The following IGSF11 variants were observed in gnomAD, a reference collection of about 807,000 sequenced individuals.
The protein encoded by IGSF11 is CXADR like 1.
Under a neutral mutation model 41.0 loss-of-function variants are expected in IGSF11, and 22 were observed. The observed-to-expected ratio is 0.54, with a 90% CI of 0.38 to 0.77. The LOEUF is 0.77. Ranked by LOEUF, IGSF11 falls within the 30% of genes least tolerant of loss-of-function variation. The pLI is 0.00. For missense variants in IGSF11, 444 were observed against 530.8 expected (o/e 0.84, Z 1.61); for synonymous variants, 219 against 201.3 (o/e 1.09, Z -0.74).
chr3:118,953,468 G>A (rs1416209118), intron 1 of IGSF11, among the ~76,000 whole-genome samples: 1 of 152,144 alleles, frequency 6.6e-6, no homozygotes, highest in Non-Finnish European at 1.5e-5. Flanking sequence ...GTTATTTAAG[G>A]AATCTCCACA....
At chr3:119,107,308 T>A (rs955701600), upstream of IGSF11, among the ~76,000 whole-genome samples, 3 of 152,232 alleles carry the variant, frequency 2.0e-5, no homozygotes, top group Non-Finnish European at 4.4e-5. Context: ...TATCTCATTG[T>A]GGTTTTGATT....
intron 1 of IGSF11, among the ~76,000 whole-genome samples, chr3:119,139,559 C>T (rs76045850): frequency 0.17 from 25,594 of 152,196 alleles, 2,635 homozygotes; most frequent in Non-Finnish European, 0.24. Flanking sequence ...TTGCCTGCTG[C>T]CATCCATGTA....
chr3:119,109,603 G>C (rs142679796), upstream of IGSF11, among the ~76,000 whole-genome samples: 35,535 of 152,036 alleles, frequency 0.23, 5,078 homozygotes, highest in Middle Eastern at 0.38. Flanking sequence ...GTTCTGCTCT[G>C]ATCTTAGTTA....
intron 1 of IGSF11, among the ~76,000 whole-genome samples, chr3:118,999,169 A>C (rs1936564145): frequency 6.6e-6 from 1 of 152,110 alleles, no homozygotes; most frequent in African/African-American, 2.4e-5. Context: ...GAATGGGGCC[A>C]GGATATGAGA....
chr3:119,134,789 G>A (rs933836294), intron 1 of IGSF11, among the ~76,000 whole-genome samples: 7 of 152,020 alleles, frequency 4.6e-5, no homozygotes, highest in African/African-American at 7.2e-5. Flanking sequence ...GAGGCATCAC[G>A]CTACCTGACT....
At chr3:119,133,686 T>C (rs1012104574) in intron 1 of IGSF11, among the ~76,000 whole-genome samples, 9 of 152,016 alleles carry the variant, frequency 5.9e-5, no homozygotes, top group African/African-American at 2.2e-4. Context: ...TTCCAATCAA[T>C]AGAAAAAGAG....
chr3:119,032,446 A>G (rs1940494178), intron 1 of IGSF11, among the ~76,000 whole-genome samples: 2 of 152,192 alleles, frequency 1.3e-5, no homozygotes, highest in African/African-American at 4.8e-5. Flanking sequence ...CAGTAAGGAA[A>G]CTGAACATCA....
At chr3:119,052,278 G>A (rs192083408) in intron 1 of IGSF11, among the ~76,000 whole-genome samples, 2 of 152,110 alleles carry the variant, frequency 1.3e-5, no homozygotes, top group East Asian at 1.9e-4. Flanking sequence ...CCAGGAGTTC[G>A]AGACAAGTCT....
chr3:119,065,605 C>T (rs1480867364), intron 1 of IGSF11, among the ~76,000 whole-genome samples: 1 of 151,756 alleles, frequency 6.6e-6, no homozygotes, highest in East Asian at 1.9e-4. Context: ...CCAGCCTGAG[C>T]AATATGGTGA....
intron 1 of IGSF11, among the ~76,000 whole-genome samples, chr3:118,966,925 C>T (rs964918121): frequency 5.9e-5 from 9 of 152,082 alleles, no homozygotes; most frequent in Admixed American, 4.6e-4. Flanking sequence ...GGTGGTAACA[C>T]AGCACCACAT....
chr3:118,973,679 G>A (rs865975596), intron 1 of IGSF11, among the ~76,000 whole-genome samples: 4 of 152,196 alleles, frequency 2.6e-5, no homozygotes, highest in South Asian at 2.1e-4. Context: ...ATAAGTGGTA[G>A]AACACAATTA....
intron 1 of IGSF11, among the ~76,000 whole-genome samples, chr3:119,090,624 A>C (rs903533563): frequency 6.6e-5 from 10 of 152,232 alleles, no homozygotes; most frequent in Non-Finnish European, 1.5e-4. Context: ...GACAAAAACA[A>C]GCAATGGGAA....
intron 1 of IGSF11, among the ~76,000 whole-genome samples, chr3:119,089,426 C>T (rs2076728130): frequency 6.6e-6 from 1 of 152,036 alleles, no homozygotes. Context: ...AAGAAACATA[C>T]CTCAAAAAAA....
In IGSF11 at chr3:119,073,144, G is replaced by C. The variant is rs1250212602; in HGVS notation, c.49+32000C>G. ...AGCTAGACACAGAGTGCTGATTGGTGTATTTACAATCCTTTAGCTAGACAT... is the reference window on the plus strand; with the variant it reads ...AGCTAGACACAGAGTGCTGATTGGTCTATTTACAATCCTTTAGCTAGACAT... On this transcript the variant is annotated intron_variant, in intron 1 of 6. Transcript: ENST00000354673. Among the ~76,000 whole-genome samples the C allele has an allele frequency of 3.3e-5, 5 of 152,096 alleles. No individual in the cohort carries two copies. The East Asian group carries it at 9.7e-4, about 29-fold the overall frequency.
intron 4 of IGSF11, among the ~76,000 whole-genome samples, chr3:118,911,739 A>AAG (rs901937346): frequency 6.7e-6 from 1 of 149,504 alleles, no homozygotes; most frequent in African/African-American, 2.5e-5. Context: ...GAGAGAGAGA[A>AAG]AGAGAGAGAG....
intron 4 of IGSF11, among the ~76,000 whole-genome samples, chr3:118,912,519 G>C (rs947213267): frequency 2.6e-5 from 4 of 152,146 alleles, no homozygotes; most frequent in African/African-American, 9.7e-5. Context: ...CACACTCACT[G>C]TATGGACAAT....
intron 4 of IGSF11, among the ~76,000 whole-genome samples, chr3:118,909,263 AC>A (rs1446018145): frequency 6.6e-6 from 1 of 152,130 alleles, no homozygotes; most frequent in East Asian, 1.9e-4. Context: ...ACTATAATAA[AC>A]TGAACATTTC....
Position 118,960,145 on chromosome 3 carries a change from C to T in IGSF11, c.53-29870G>A, listed in dbSNP as rs184878205. ...CTTAAAGTTAAGGCTCTCAAAGGAT[C>T]ACTGAAATTAAAACTGTTTAATATC... On this transcript the variant is annotated intron_variant, in intron 1 of 6. Transcript: ENST00000393775. Among the ~76,000 whole-genome samples, 155 of 152,016 alleles carry T rather than the reference C, an allele frequency of 1.0e-3. 1 individual carries two copies. The highest frequency in any genetic ancestry group is 3.7e-3 in the African/African-American group (153 of 41,498).
intron 1 of IGSF11, among the ~76,000 whole-genome samples, chr3:118,974,062 T>G (rs1174024660): frequency 1.3e-5 from 2 of 151,970 alleles, no homozygotes; most frequent in East Asian, 3.9e-4. Context: ...CGTTTACCTA[T>G]GTAACAAACC....
Sources: allele counts gnomAD v4.1 joint callset (sites outside exome capture counted in the v4.1 genomes callset), GRCh38; gene constraint gnomAD v4.1.1; transcripts MANE v1.5; gene names NCBI Gene and HGNC (gene_info 2026-07-23, HGNC 2026-07-21).